The following INTS7 variants were observed in gnomAD, a reference collection of about 807,000 sequenced individuals.
The protein encoded by INTS7 is chromosome 1 open reading frame 73.
A neutral mutation model predicts 109.2 loss-of-function variants in INTS7; 46 were observed. The observed-to-expected ratio is 0.42, with a 90% CI of 0.33 to 0.54. The LOEUF (loss-of-function observed/expected upper bound fraction) is 0.54. INTS7 is among the 20% of genes least tolerant of loss of function. The pLI is 0.07. For synonymous variants in INTS7, 412 were observed against 402.9 expected (o/e 1.02, Z -0.27); for missense variants, 929 against 1,132.4 (o/e 0.82, Z 2.58).
chr1:211,952,745 G>T lies in INTS7; in HGVS notation c.2184-44C>A, dbSNP rs1316973908. ...TTCATTAATCCATCAAAATAGCATG[G>T]CTATTTAATGCCTACATGTATCAGG... On this transcript the variant is annotated intron_variant, in intron 16 of 19. Transcript: ENST00000366994. 8 of 1,476,682 alleles carry T rather than the reference G, an allele frequency of 5.4e-6. No individual in the cohort carries two copies. In the East Asian group the frequency reaches 1.4e-4, roughly 25 times the overall value. 91.5% of individuals were successfully genotyped at this position (1,476,682 alleles called of 1,614,324 possible).
chr1:212,017,368 A>T (rs1345435140), intron 3 of INTS7, among the ~76,000 whole-genome samples: 2 of 152,270 alleles, frequency 1.3e-5, no homozygotes, highest in Non-Finnish European at 2.9e-5. Flanking sequence ...CCATTTCAGC[A>T]AAGCATTAAG....
chr1:211,974,033 C>G (rs76687384), intron 13 of INTS7, among the ~76,000 whole-genome samples: 1,626 of 152,046 alleles, frequency 0.011, 28 homozygotes, highest in African/African-American at 0.037. Context: ...AATCATTAAA[C>G]AAGTATCAAA....
At chr1:212,015,100 C>T (rs991647378) in intron 4 of INTS7, among the ~76,000 whole-genome samples, 9 of 141,462 alleles carry the variant, frequency 6.4e-5, no homozygotes, top group African/African-American at 2.5e-4. Context: ...GGGCGGCCCC[C>T]GCCCGGGCAG....
Position 211,981,154 on chromosome 1 carries a change from A to G in INTS7, c.1169T>C (p.Leu390Pro), listed in dbSNP as rs752183540. ...ACTACAAAGTACCAGTAGGGATTCC[A>G]GGCCAAAGACAGCATCTTGTTCCAG... ...LALEQDAVFG[L>P]ESLLVLCSQD... The change falls in exon 10 of 20, where the codon CTG (leucine) becomes CCG (proline). Residue 390 changes from leucine (L) to proline (P), a missense_variant. Physicochemically the swap from Leu to Pro is moderately conservative, Grantham distance 98 (BLOSUM62 -3). Around this residue, in one of 2 missense-constraint regions of INTS7, gnomAD observed 787 missense variants for 901.1 expected, o/e 0.87. Coordinates refer to ENST00000366994, the MANE Select transcript of INTS7 (RefSeq NM_015434.4). 7 of 1,613,484 alleles carry G rather than the reference A, an allele frequency of 4.3e-6. No individual in the cohort carries two copies. The Admixed American group carries it at 1.2e-4, about 27-fold the overall frequency.
intron 8 of INTS7, among the ~76,000 whole-genome samples, chr1:211,987,315 C>CAA (rs1377282407): frequency 3.4e-5 from 5 of 148,824 alleles, no homozygotes; most frequent in Non-Finnish European, 7.5e-5. Context: ...ACAACAACAA[C>CAA]AACAAAAAAA....
At chr1:211,999,826 G>A (rs534724997) in intron 7 of INTS7, among the ~76,000 whole-genome samples, 25 of 152,284 alleles carry the variant, frequency 1.6e-4, no homozygotes, top group African/African-American at 5.3e-4. Flanking sequence ...TATATAGGCC[G>A]GGCGTGGTGG....
At chr1:212,013,688 C>A (rs747071793) in intron 4 of INTS7, among the ~76,000 whole-genome samples, 4 of 152,148 alleles carry the variant, frequency 2.6e-5, no homozygotes, top group Non-Finnish European at 5.9e-5. Context: ...CCATTTTTAT[C>A]TTTTATGCCA....
At chr1:211,990,024 G>GA in intron 7 of INTS7, among the ~76,000 whole-genome samples, 1 of 152,232 alleles carries the variant, frequency 6.6e-6, no homozygotes, top group South Asian at 2.1e-4. Flanking sequence ...AGAATATGGG[G>GA]AAATAGGTGC....
At chr1:212,021,012 A>G in intron 2 of INTS7, 71 bp downstream of exon 2, 1 of 1,426,840 alleles carries the variant, frequency 7.0e-7, no homozygotes, top group East Asian at 2.3e-5. Context: ...GGCAAAAAGA[A>G]AAAGACCACA....
chr1:212,007,400 C>G lies in INTS7; in HGVS notation c.606G>C (p.Gln202His). 6.2e-7 allele frequency: 1 copy of G among 1,613,934 alleles called. No homozygotes were observed. Among genetic ancestry groups the G allele is most frequent in the Non-Finnish European group, 8.5e-7 (1 of 1,179,882 alleles). ...DLKLKLIPIL[Q>H]HMHHDAILAS... is the part of the protein sequence containing the mutation. ...CCAAGATTGCATCATGGTGCATGTG[C>G]TGTAGAATGGGTATCAATTTTAGCT... Residue 202 changes from glutamine to histidine, a missense_variant, in exon 6 of 20, where the codon CAG (glutamine) becomes CAC (histidine). Coordinates refer to ENST00000366994, the MANE Select transcript of INTS7 (RefSeq NM_015434.4).
chr1:211,941,765 A>C lies in INTS7; in HGVS notation c.*59T>G, dbSNP rs1431732578. On this transcript the variant is annotated 3_prime_UTR_variant, in exon 20 of 20. Coordinates refer to ENST00000366994, the MANE Select transcript of INTS7 (RefSeq NM_015434.4). ...TAATACTTATTCCATATGAAAAACC[A>C]AACTGTTTCTGGCAATTTGATTGAT... is the stretch of plus-strand genomic sequence containing the variant. The C allele has an allele frequency of 5.8e-6, 9 of 1,564,434 alleles. No homozygotes were observed. The East Asian group carries it at 2.0e-4, about 35-fold the overall frequency.
In INTS7 at chr1:211,975,185, T is replaced by C. The variant is rs760514521; in HGVS notation, c.1796A>G (p.Lys599Arg). The C allele has an allele frequency of 8.1e-6, 13 of 1,612,614 alleles. No homozygotes were observed. In the South Asian group the frequency reaches 8.8e-5, roughly 11 times the overall value. The change falls in exon 13 of 20, where the codon AAA (lysine) becomes AGA (arginine). Residue 599 changes from lysine to arginine, a missense_variant. Lys to Arg is a conservative substitution (Grantham distance 26). Around this residue, in one of 2 missense-constraint regions of INTS7, gnomAD observed 787 missense variants for 901.1 expected, o/e 0.87. Coordinates refer to ENST00000366994, the MANE Select transcript of INTS7 (RefSeq NM_015434.4). ...ACTTACTGTTAAGGAAGCAATCCCT[T>C]TGTGATAGAATTTTAAAGATTCAGC... The part of the protein sequence containing the change: ...CIAESLKFYH[K>R]GIASLTAAST...
chr1:211,952,475 AG>A, intron 17 of INTS7, 93 bp downstream of exon 17: 1 of 1,266,256 alleles, frequency 7.9e-7, no homozygotes, highest in Non-Finnish European at 1.1e-6. Flanking sequence ...AGGCACAGAA[AG>A]GTTAATTTGT....
chr1:211,975,999 T>A (rs1664402171), intron 12 of INTS7, among the ~76,000 whole-genome samples: 1 of 152,042 alleles, frequency 6.6e-6, no homozygotes, highest in Non-Finnish European at 1.5e-5. Flanking sequence ...AGGCTTTTAC[T>A]ATGTCAGCCA....
chr1:212,033,660 G>A (rs1667270092), intron 1 of INTS7, among the ~76,000 whole-genome samples: 1 of 152,152 alleles, frequency 6.6e-6, no homozygotes, highest in South Asian at 2.1e-4. Flanking sequence ...CATGAGACAA[G>A]CTCAGCTGCA....
chr1:212,019,789 A>AT (rs1167353326), intron 3 of INTS7, among the ~76,000 whole-genome samples: 1 of 152,254 alleles, frequency 6.6e-6, no homozygotes, highest in African/African-American at 2.4e-5. Context: ...GACAGAAAAC[A>AT]TTAAGTACAA....
chr1:211,942,208 C>T lies in INTS7; in HGVS notation c.2602-97G>A. On this transcript the variant is annotated intron_variant, in intron 19 of 19. Transcript: ENST00000366994. The surrounding 1 kb of genome is among the most constrained non-coding windows in gnomAD (Gnocchi z 4.2). ...GTTCTAAGAGCTTATTTAGACCATGCAGACAATAAAAAATTAGGTACTGCT... is the reference window on the plus strand; with the variant it reads ...GTTCTAAGAGCTTATTTAGACCATGTAGACAATAAAAAATTAGGTACTGCT... The T allele has an allele frequency of 7.5e-7, 1 of 1,326,916 alleles. No homozygotes were observed. Among genetic ancestry groups the T allele is most frequent in the Non-Finnish European group, 1.0e-6 (1 of 960,440 alleles). The allele number at this position is 1,326,916 out of a possible 1,614,324, so 82.2% of individuals were successfully genotyped here.
At chr1:212,013,692 T>C (rs2102478488) in intron 4 of INTS7, among the ~76,000 whole-genome samples, 2 of 152,342 alleles carry the variant, frequency 1.3e-5, no homozygotes, top group Admixed American at 1.3e-4. Context: ...TTTTATCTTT[T>C]ATGCCATATT....
At chr1:211,956,445 G>T (rs1054532168) in intron 16 of INTS7, among the ~76,000 whole-genome samples, 1 of 151,954 alleles carries the variant, frequency 6.6e-6, no homozygotes, top group African/African-American at 2.4e-5. Flanking sequence ...TATATTGTTG[G>T]ACTGAACTTT....
Sources: gnomAD v4.1 joint callset for allele counts (sites outside exome capture counted in the v4.1 genomes callset) on GRCh38, gnomAD v4.1.1 for gene constraint, gnomAD v4.1.1 regional missense constraint, Gnocchi (gnomAD v3.1) non-coding constraint, MANE v1.5 for transcripts, NCBI Gene and HGNC (gene_info 2026-07-23, HGNC 2026-07-21) for gene names.